The following SESN2 variants were observed in gnomAD, a reference collection of about 807,000 sequenced individuals.
SESN2 encodes sestrin 2.
In SESN2, 42 loss-of-function variants were observed where a neutral mutation model predicts 56.0. The observed-to-expected ratio is 0.75, with a 90% CI of 0.59 to 0.97. SESN2 has a LOEUF of 0.97. Among genes scored for constraint, SESN2 ranks in the 50% least tolerant of loss-of-function variants. The pLI is 0.00. For missense variants in SESN2, 507 were observed against 649.4 expected, an observed-to-expected ratio of 0.78 and a Z score of 2.38; for synonymous variants, 264 against 267.1, an observed-to-expected ratio of 0.99 and a Z score of 0.11.
In SESN2 at chr1:28,282,392, G is replaced by A. The variant is rs1270404296; in HGVS notation, c.*1590G>A. On this transcript the variant is annotated 3_prime_UTR_variant, in exon 10 of 10. Coordinates refer to ENST00000253063, the MANE Select transcript of SESN2 (RefSeq NM_031459.5). ...TGATGACTGTAAATGTTCACTGGGT[G>A]GGTAGGGAGTGGTATCCAGTGTTCA... 2 of 152,296 alleles carry A rather than the reference G, an allele frequency of 1.3e-5. No individual in the cohort carries two copies. Among genetic ancestry groups the A allele is most frequent in the Non-Finnish European group, 2.9e-5 (2 of 68,090 alleles). 9.4% of individuals were successfully genotyped at this position (152,296 alleles called of 1,614,324 possible). A position where few individuals can be genotyped will look rare whatever the true frequency, so the allele number is the denominator to read the frequency against.
chr1:28,270,210 G>A (rs1176453725), intron 2 of SESN2, among the ~76,000 whole-genome samples: 1 of 152,238 alleles, frequency 6.6e-6, no homozygotes, highest in Non-Finnish European at 1.5e-5. Context: ...AATTAGCCAG[G>A]CGTGGTGGCG....
intron 2 of SESN2, among the ~76,000 whole-genome samples, chr1:28,269,988 AC>A (rs1255756088): frequency 2.0e-5 from 3 of 152,222 alleles, no homozygotes; most frequent in Non-Finnish European, 2.9e-5. Flanking sequence ...TAGTGGAGTT[AC>A]CTTCAAAACA....
intron 8 of SESN2, among the ~76,000 whole-genome samples, chr1:28,277,952 C>T (rs77934682): frequency 2.4e-4 from 36 of 152,296 alleles, no homozygotes; most frequent in East Asian, 1.9e-3. Context: ...GTTCTTGCTC[C>T]TATTTCTTTG....
At chr1:28,273,077 A>G (rs762993535) in intron 5 of SESN2, among the ~76,000 whole-genome samples, 1 of 152,220 alleles carries the variant, frequency 6.6e-6, no homozygotes, top group Non-Finnish European at 1.5e-5. Context: ...TAAAACTACA[A>G]AGTTTACCTT....
chr1:28,272,842 C>T (rs781220338), intron 5 of SESN2, 49 bp downstream of exon 5: 32 of 1,083,858 alleles, frequency 3.0e-5, no homozygotes, highest in Non-Finnish European at 4.3e-5. Flanking sequence ...GGCATGACCT[C>T]TGGTCCTTAG....
At position 28,268,183 on chromosome 1, in the gene SESN2, A is replaced by G. The variant is rs1461611771; in HGVS notation, c.91-1000A>G. Reference sequence around the variant, plus strand: ...AGGCCAGGGCTAAGGAGGCCGGGGGACAACTGGCGAGGTTGTGAGTAGTGG... The same window carrying G: ...AGGCCAGGGCTAAGGAGGCCGGGGGGCAACTGGCGAGGTTGTGAGTAGTGG... On this transcript the variant is annotated intron_variant, in intron 1 of 9. Transcript: ENST00000253063. Among the ~76,000 whole-genome samples, 52 of 152,114 alleles carry G rather than the reference A, an allele frequency of 3.4e-4. 1 individual carries two copies.
At chr1:28,278,632 G>A (rs1313288963) in intron 8 of SESN2, among the ~76,000 whole-genome samples, 2 of 152,188 alleles carry the variant, frequency 1.3e-5, no homozygotes, top group African/African-American at 4.8e-5. Flanking sequence ...CTGCAACTCT[G>A]AAATCAAGTT....
At chr1:28,267,828 C>G (rs1026995287) in intron 1 of SESN2, among the ~76,000 whole-genome samples, 3 of 152,164 alleles carry the variant, frequency 2.0e-5, no homozygotes, top group African/African-American at 7.2e-5. Context: ...TCCCTCCGTG[C>G]CTTTCTGCTT....
intron 7 of SESN2, 106 bp downstream of exon 7, chr1:28,274,264 G>A (rs1647940909): frequency 1.3e-6 from 1 of 767,160 alleles, no homozygotes; most frequent in Non-Finnish European, 2.3e-6. Flanking sequence ...GGGCATGGTA[G>A]CTCACACCTG....
In SESN2 at chr1:28,281,977, C is replaced by T. The variant is rs1489088852; in HGVS notation, c.*1175C>T. On this transcript the variant is annotated 3_prime_UTR_variant, in exon 10 of 10. Transcript: ENST00000253063. ...ACCCCATTTCTGCAGCCAGTGTCTC[C>T]TGGGTGCCTTCTGAGGACTCCCACC... The T allele has an allele frequency of 6.6e-6, 1 of 152,330 alleles. No homozygotes were observed. The highest frequency in any genetic ancestry group is 1.5e-5 in the Non-Finnish European group (1 of 68,128). 9.4% of individuals were successfully genotyped at this position (152,330 alleles called of 1,614,324 possible). A position where few individuals can be genotyped will look rare whatever the true frequency, so the allele number is the denominator to read the frequency against.
intron 9 of SESN2, among the ~76,000 whole-genome samples, chr1:28,279,633 C>T (rs1648166353): frequency 6.6e-6 from 1 of 151,850 alleles, no homozygotes; most frequent in Admixed American, 6.6e-5. Context: ...GCAACTTCCA[C>T]CTCCCAAGTT....
At chr1:28,280,262 A>T (rs1648187380) in intron 9 of SESN2, among the ~76,000 whole-genome samples, 7 of 152,158 alleles carry the variant, frequency 4.6e-5, no homozygotes, top group Admixed American at 2.0e-4. Flanking sequence ...AAGATAAAAT[A>T]AAAAAATGTA....
At chr1:28,275,395 A>G (rs1647998397) in intron 8 of SESN2, among the ~76,000 whole-genome samples, 1 of 152,224 alleles carries the variant, frequency 6.6e-6, no homozygotes, top group Admixed American at 6.5e-5. Context: ...TAAGGACAAC[A>G]TAAATGCTCA....
intron 1 of SESN2, among the ~76,000 whole-genome samples, chr1:28,261,004 C>T (rs1647358403): frequency 6.6e-6 from 1 of 152,200 alleles, no homozygotes; most frequent in Admixed American, 6.5e-5. Flanking sequence ...ATTAACCCCA[C>T]TGAATATCTT....
chr1:28,274,343 G>A (rs892380591), intron 7 of SESN2, among the ~76,000 whole-genome samples, 185 bp downstream of exon 7: 5 of 152,150 alleles, frequency 3.3e-5, no homozygotes, highest in Admixed American at 3.3e-4. Context: ...ACTAGCCTGG[G>A]CAACATGGCG....
rs371949519 is a variant in SESN2 at position 28,274,005 on chromosome 1, C to G, written c.902-35C>G. ...GGAATGGACCCCTGCATGCCCCATG[C>G]CTCAGCCTCACTGTGACCTCTTTCT... On this transcript the variant is annotated intron_variant, in intron 6 of 9. Transcript: ENST00000253063. 8 of 1,360,616 alleles carry G rather than the reference C, an allele frequency of 5.9e-6. No homozygotes were observed. The African/African-American group carries it at 1.0e-4, about 17-fold the overall frequency. The allele number at this position is 1,360,616 out of a possible 1,614,324, so 84.3% of individuals were successfully genotyped here. A position where few individuals can be genotyped will look rare whatever the true frequency, so the allele number is the denominator to read the frequency against.
chr1:28,277,114 A>G (rs1030796396), intron 8 of SESN2, among the ~76,000 whole-genome samples: 49 of 150,158 alleles, frequency 3.3e-4, no homozygotes, highest in Non-Finnish European at 5.2e-4. Context: ...TCAGCCTGGT[A>G]GCCAGGATGG....
chr1:28,270,822 G>A (rs1212749668), intron 2 of SESN2, among the ~76,000 whole-genome samples: 2 of 152,104 alleles, frequency 1.3e-5, no homozygotes, highest in African/African-American at 2.4e-5. Flanking sequence ...GCCCATCTCT[G>A]CCTCCCAATG....
intron 1 of SESN2, among the ~76,000 whole-genome samples, chr1:28,260,178 C>T (rs1647323340): frequency 2.0e-5 from 3 of 150,906 alleles, no homozygotes; most frequent in South Asian, 2.1e-4. Context: ...CCCCCTCTCC[C>T]TCACCGCCCC....
Sources: allele counts gnomAD v4.1 joint callset (sites outside exome capture counted in the v4.1 genomes callset), GRCh38; gene constraint gnomAD v4.1.1; transcripts MANE v1.5; gene names NCBI Gene and HGNC (gene_info 2026-07-23, HGNC 2026-07-21).